Variants in ITGB2 observed in about 807,000 individuals in gnomAD.
The protein encoded by ITGB2 is integrin beta-2.
ITGB2 carries 56 observed loss-of-function variants against 86.8 expected under a neutral mutation model. The observed-to-expected ratio is 0.65, with a 90% confidence interval of 0.52 to 0.81. The LOEUF is 0.81. Ranked by LOEUF, ITGB2 falls within the 30% of genes least tolerant of loss-of-function variation. The probability of loss-of-function intolerance (pLI) is 0.00; values close to 1 mark genes in which losing one functional copy is unlikely to be tolerated. For missense variants in ITGB2, 948 were observed against 1,061.2 expected, an observed-to-expected ratio of 0.89 and a Z score of 1.48; for synonymous variants, 457 against 450.4, an observed-to-expected ratio of 1.01 and a Z score of -0.19.
chr21:44,908,200 G>A, intron 3 of ITGB2: 1 of 708,244 alleles, frequency 1.4e-6, no homozygotes, highest in Non-Finnish European at 2.6e-6. Context: ...ACGCAAAATT[G>A]AGAAATGAGG....
chr21:44,925,273 G>A (rs1012822455), upstream of ITGB2, among the ~76,000 whole-genome samples: 1 of 151,640 alleles, frequency 6.6e-6, no homozygotes, highest in Non-Finnish European at 1.5e-5. Context: ...TGTTGCTGTT[G>A]TTTCTTTCTT....
At chr21:44,889,107 A>G in intron 13 of ITGB2, 169 bp downstream of exon 13, 1 of 707,300 alleles carries the variant, frequency 1.4e-6, no homozygotes, top group Non-Finnish European at 2.4e-6. Flanking sequence ...AGGAGGGAGG[A>G]GGGACACAGG....
upstream of ITGB2, among the ~76,000 whole-genome samples, chr21:44,924,299 G>T (rs550218317): frequency 1.3e-5 from 2 of 150,634 alleles, no homozygotes; most frequent in Admixed American, 1.3e-4. Context: ...GCATGGTGGC[G>T]CATGCCTGTA....
rs768833543 is a variant in ITGB2, at chr21:44,901,642, C to T, written c.591G>A (p.Glu197=). 1.5e-5 allele frequency: 25 copies of T among 1,614,144 alleles called. No homozygotes were observed. The South Asian group carries it at 1.9e-4, about 12-fold the overall frequency. ...LRNPCPNKEK[E]CQPPFAFRHV... is the part of the protein sequence containing the mutation. The stretch of plus-strand genomic sequence containing the variant: ...GCCTGAAGGCAAACGGGGGCTGGCA[C>T]TCTTTCTCCTTGTTGGGGCATGGGT... The change falls in exon 6 of 16, where the codon GAG becomes GAA. Residue 197 remains glutamate (E), a synonymous_variant. Coordinates refer to ENST00000652462, the MANE Select transcript of ITGB2 (RefSeq NM_000211.5).
chr21:44,904,169 A>G (rs2084007811), intron 4 of ITGB2, among the ~76,000 whole-genome samples: 1 of 152,060 alleles, frequency 6.6e-6, no homozygotes, highest in African/African-American at 2.4e-5. Flanking sequence ...GAGGGTGACG[A>G]AGCCTGTCCC....
intron 10 of ITGB2, among the ~76,000 whole-genome samples, chr21:44,892,199 A>G (rs973098113): frequency 6.6e-6 from 1 of 152,198 alleles, no homozygotes; most frequent in African/African-American, 2.4e-5. Flanking sequence ...GCACTCCCGC[A>G]CTGGCCGGCA....
upstream of ITGB2, among the ~76,000 whole-genome samples, chr21:44,923,423 T>A (rs780851393): frequency 3.3e-4 from 47 of 142,460 alleles, no homozygotes; most frequent in Non-Finnish European, 6.3e-4. Context: ...TTGCAGATGG[T>A]GCAGTATAAT....
At chr21:44,900,121 C>A (rs1057099751) in intron 7 of ITGB2, among the ~76,000 whole-genome samples, 199 bp downstream of exon 7, 1 of 152,210 alleles carries the variant, frequency 6.6e-6, no homozygotes, top group Non-Finnish European at 1.5e-5. Context: ...AGCCTGGCTG[C>A]CCCCACCAAC....
chr21:44,907,815 G>T (rs568225886), intron 3 of ITGB2, among the ~76,000 whole-genome samples: 60 of 152,370 alleles, frequency 3.9e-4, no homozygotes, highest in African/African-American at 1.3e-3. Flanking sequence ...CGCAGGCAGG[G>T]GGGCAGGTGG....
Position 44,888,705 on chromosome 21 carries a change from C to T in ITGB2, c.2068G>A (p.Asp690Asn). The change falls in exon 14 of 16, where the codon GAT becomes AAT. Residue 690 changes from aspartate to asparagine, a missense_variant. Physicochemically the swap from Asp to Asn is conservative, Grantham distance 23. Coordinates refer to ENST00000652462, the MANE Select transcript of ITGB2 (RefSeq NM_000211.5). Reference protein sequence around the residue: ...DGMDRYLIYVDESRECVAGPN... With the variant: ...DGMDRYLIYVNESRECVAGPN... The stretch of plus-strand genomic sequence containing the variant: ...CCAGCGGCCTCACCTCGGCTCTCAT[C>T]CACATAGATGAGGTAGCGGTCCATC... 6.2e-7 allele frequency: 1 copy of T among 1,609,242 alleles called. No individual in the cohort carries two copies. Among genetic ancestry groups the T allele is most frequent in the Non-Finnish European group, 8.5e-7 (1 of 1,179,940 alleles).
chr21:44,897,234 T>C (rs188610943), intron 8 of ITGB2, among the ~76,000 whole-genome samples: 4 of 152,340 alleles, frequency 2.6e-5, no homozygotes, highest in Non-Finnish European at 4.4e-5. Flanking sequence ...GTAGCTGGGA[T>C]ACGGGCCTGA....
chr21:44,888,659 G>A (rs1258693039), intron 14 of ITGB2, 34 bp downstream of exon 14: 2 of 1,599,200 alleles, frequency 1.3e-6, no homozygotes, highest in Non-Finnish European at 1.7e-6. Flanking sequence ...CCGGAGCTCT[G>A]GAGCCGGTCC....
rs137852614 is a variant in ITGB2, at chr21:44,901,700, G to A, written c.533C>T (p.Pro178Leu). 1.1e-5 allele frequency: 17 copies of A among 1,612,964 alleles called. No individual in the cohort carries two copies. Among genetic ancestry groups the A allele is most frequent in the East Asian group, 4.5e-5 (2 of 44,876 alleles). ...FGSFVDKTVL[P>L]FVNTHPDKLR... ...CTTATCAGGGTGCGTGTTCACGAAC[G>A]GCAGCACGGTCTTGTCCACGAAGGA... The change falls in exon 6 of 16, where the codon CCG becomes CTG. Residue 178 changes from proline (P) to leucine (L), a missense_variant. Pro to Leu is a moderately conservative substitution (Grantham distance 98). Coordinates refer to ENST00000652462, the MANE Select transcript of ITGB2 (RefSeq NM_000211.5).
At chr21:44,889,216 T>G (rs2083747246) in intron 13 of ITGB2, 60 bp downstream of exon 13, 1 of 1,536,736 alleles carries the variant, frequency 6.5e-7, no homozygotes, top group African/African-American at 1.4e-5. Context: ...GCCCGGCTGC[T>G]GGGTAGGTGG....
chr21:44,900,220 G>T, intron 7 of ITGB2, 100 bp downstream of exon 7: 3 of 1,472,018 alleles, frequency 2.0e-6, no homozygotes, highest in Non-Finnish European at 1.9e-6. Context: ...TCTGCTCCTT[G>T]GGTCAGAAGG....
chr21:44,908,267 T>G (rs1186602520), intron 3 of ITGB2: 5 of 582,078 alleles, frequency 8.6e-6, no homozygotes, highest in Admixed American at 3.0e-5. Context: ...CCCCTTCTTC[T>G]CCACCCCCTC....
At chr21:44,894,892 C>T in intron 9 of ITGB2, 79 bp downstream of exon 9, 1 of 1,008,822 alleles carries the variant, frequency 9.9e-7, no homozygotes, top group Non-Finnish European at 1.6e-6. Context: ...CTCCTGCTGA[C>T]CTGCAGCAGG....
At position 44,886,049 on chromosome 21, in the gene ITGB2, G is replaced by C. The variant is rs2083693632; in HGVS notation, c.*319C>G. 2 of 434,880 alleles carry C rather than the reference G, an allele frequency of 4.6e-6. No homozygotes were observed. Among genetic ancestry groups the C allele is most frequent in the Non-Finnish European group, 8.5e-6 (2 of 235,190 alleles). 26.9% of individuals were successfully genotyped at this position (434,880 alleles called of 1,614,324 possible). On this transcript the variant is annotated 3_prime_UTR_variant, in exon 16 of 16. Coordinates refer to ENST00000652462, the MANE Select transcript of ITGB2 (RefSeq NM_000211.5). The stretch of plus-strand genomic sequence containing the variant: ...GGGATGTCATTTTATACCCTGACAA[G>C]TTTAAATGTAAATAAATTGGCACCA...
chr21:44,888,635 C>G (rs574393878), intron 14 of ITGB2, 58 bp downstream of exon 14: 5 of 1,574,380 alleles, frequency 3.2e-6, no homozygotes, highest in Admixed American at 1.7e-5. Context: ...CTCGCCTCTG[C>G]GGAGACCCCG....
Sources: gnomAD v4.1 joint callset for allele counts (sites outside exome capture counted in the v4.1 genomes callset) on GRCh38, gnomAD v4.1.1 for gene constraint, MANE v1.5 for transcripts, NCBI Gene and HGNC (gene_info 2026-07-23, HGNC 2026-07-21) for gene names.